Variants in GPC3 observed in about 807,000 individuals in gnomAD.
GPC3 encodes glypican-3.
Under a neutral mutation model 34.4 loss-of-function variants are expected in GPC3, and 3 were observed. That is an observed-to-expected ratio of 0.09 (90% CI 0.04 to 0.23). The LOEUF (loss-of-function observed/expected upper bound fraction) is 0.23, where lower values mean the gene tolerates loss of function less well. GPC3 is among the 10% of genes least tolerant of loss of function. GPC3 has a pLI of 1.00. For synonymous variants in GPC3, 177 were observed against 174.0 expected, an observed-to-expected ratio of 1.02 and a Z score of -0.13; for missense variants, 351 against 445.6, an observed-to-expected ratio of 0.79 and a Z score of 1.91.
chrX:133,591,409 G>T (rs1462076469), intron 7 of GPC3, among the ~76,000 whole-genome samples: 2 of 111,468 alleles, frequency 1.8e-5, no homozygotes, highest in Non-Finnish European at 3.8e-5. Flanking sequence ...AATAGCTATT[G>T]TACCATGAGC....
chrX:133,739,770 A>G (rs780036962), intron 3 of GPC3, among the ~76,000 whole-genome samples: 2 of 111,333 alleles, frequency 1.8e-5, no homozygotes, highest in Non-Finnish European at 3.8e-5. Flanking sequence ...CACTTATGGC[A>G]TGGGGCAAGG....
intron 3 of GPC3, among the ~76,000 whole-genome samples, chrX:133,701,820 G>A (rs1444057211): frequency 9.0e-6 from 1 of 111,306 alleles, no homozygotes; most frequent in African/African-American, 3.3e-5. Context: ...ATACAGCTTT[G>A]GAAGGCTTTT....
At chrX:133,656,861 A>G (rs1420342885) in intron 6 of GPC3, among the ~76,000 whole-genome samples, 1 of 111,526 alleles carries the variant, frequency 9.0e-6, no homozygotes, top group Non-Finnish European at 1.9e-5. Context: ...ACCTGGGAAC[A>G]GGGTGTTTTA....
At chrX:133,739,655 G>A (rs1431653604) in intron 3 of GPC3, among the ~76,000 whole-genome samples, 1 of 109,720 alleles carries the variant, frequency 9.1e-6, no homozygotes, top group Admixed American at 9.6e-5. Context: ...AGACCAGCCT[G>A]GGCAACATAG....
Position 133,896,135 on chromosome X carries a change from G to A in GPC3, c.337+56915C>T, listed in dbSNP as rs776653629. 2.7e-5 allele frequency among the ~76,000 whole-genome samples: 3 copies of A among 111,642 alleles called. No individual in the cohort carries two copies. The East Asian group carries it at 8.5e-4, about 31-fold the overall frequency. On this transcript the variant is annotated intron_variant, in intron 2 of 7. Transcript: ENST00000370818. ...CCAGCATTTTGGGAGGCCAAGGCAG[G>A]TACATCACCTGAGATCAGGAGTTCG...
At chrX:133,580,890 G>T (rs1180837424) in intron 7 of GPC3, among the ~76,000 whole-genome samples, 1 of 112,181 alleles carries the variant, frequency 8.9e-6, no homozygotes, top group Non-Finnish European at 1.9e-5. Flanking sequence ...ACAGGAGAGT[G>T]GGAGTGTGTT....
chrX:133,978,124 G>T (rs1241115215), intron 1 of GPC3, among the ~76,000 whole-genome samples: 2 of 111,397 alleles, frequency 1.8e-5, no homozygotes, highest in Non-Finnish European at 3.8e-5. Context: ...GTAGAGATGG[G>T]GTTTCCCCAT....
intron 2 of GPC3, among the ~76,000 whole-genome samples, chrX:133,863,925 G>T (rs2124569752): frequency 9.1e-6 from 1 of 110,163 alleles, no homozygotes. Context: ...AAAGTGCTGG[G>T]ATTACAGGCG....
intron 5 of GPC3, among the ~76,000 whole-genome samples, chrX:133,680,359 G>A (rs2070928771): frequency 8.9e-6 from 1 of 111,756 alleles, no homozygotes; most frequent in Admixed American, 9.5e-5. Context: ...GCCCGAAGCT[G>A]TGATTAGAAG....
Position 133,535,851 on chromosome X carries a change from C to T in GPC3, c.*273G>A, listed in dbSNP as rs1235307509. On this transcript the variant is annotated 3_prime_UTR_variant, in exon 8 of 8. Transcript: ENST00000370818. The stretch of plus-strand genomic sequence containing the variant: ...GACATGGTAACCATGTTCTAGCAGC[C>T]AAACATAGGAGAATAATTTGGCACA... The T allele has an allele frequency of 3.0e-6, 1 of 336,916 alleles. No homozygotes were observed. Among genetic ancestry groups the T allele is most frequent in the Non-Finnish European group, 5.1e-6 (1 of 194,986 alleles). 27.8% of individuals were successfully genotyped at this position (336,916 alleles called of 1,213,427 possible). A position where few individuals can be genotyped will look rare whatever the true frequency, so the allele number is the denominator to read the frequency against.
At chrX:133,604,264 C>G (rs1173837945) in intron 6 of GPC3, among the ~76,000 whole-genome samples, 1 of 112,042 alleles carries the variant, frequency 8.9e-6, no homozygotes, top group African/African-American at 3.2e-5. Flanking sequence ...GTAAAGACAT[C>G]AACGAATGGG....
intron 6 of GPC3, among the ~76,000 whole-genome samples, chrX:133,660,514 CTA>C (rs1010967314): frequency 2.0e-4 from 22 of 111,846 alleles, no homozygotes; most frequent in Non-Finnish European, 3.4e-4. Context: ...AGAGGAAAAA[CTA>C]TGTGTACAGG....
intron 2 of GPC3, among the ~76,000 whole-genome samples, chrX:133,889,831 CTT>C (rs781203121): frequency 7.3e-4 from 55 of 75,796 alleles, no homozygotes; most frequent in Middle Eastern, 6.8e-3. Flanking sequence ...TTCTAGCCTT[CTT>C]TTTTTTTTTT....
rs971236534 is a variant in GPC3 at position 133,973,012 on chromosome X, TG to T, written c.175+12262del. ...GATAATGAAGTCATGGGAATGGATG[TG>T]GGAATAAGCAAAGAGAGAACGGAAA... On this transcript the variant is annotated intron_variant, in intron 1 of 7. Transcript: ENST00000370818. 1.3e-4 allele frequency among the ~76,000 whole-genome samples: 14 copies of T among 110,434 alleles called. No homozygotes were observed. In the South Asian group the frequency reaches 1.6e-3, roughly 12 times the overall value.
At chrX:133,683,414 C>T (rs896802721) in intron 5 of GPC3, among the ~76,000 whole-genome samples, 3 of 112,096 alleles carry the variant, frequency 2.7e-5, no homozygotes, top group Admixed American at 9.4e-5. Flanking sequence ...CAGGCCTTAT[C>T]CAACCATCAG....
chrX:133,912,824 G>A (rs1471158166), intron 2 of GPC3, among the ~76,000 whole-genome samples: 1 of 111,661 alleles, frequency 9.0e-6, no homozygotes, highest in Non-Finnish European at 1.9e-5. Context: ...GATTACAGAT[G>A]ATGTATATAA....
intron 2 of GPC3, among the ~76,000 whole-genome samples, chrX:133,865,827 T>G (rs1363081650): frequency 4.5e-5 from 5 of 111,792 alleles, no homozygotes; most frequent in African/African-American, 1.6e-4. Context: ...CCAAGCCACT[T>G]CATGTCGACC....
At chrX:133,703,771 T>G (rs1383964663) in intron 3 of GPC3, among the ~76,000 whole-genome samples, 2 of 111,880 alleles carry the variant, frequency 1.8e-5, no homozygotes, top group African/African-American at 6.5e-5. Context: ...GGAAGACATT[T>G]TAGTAACCTT....
At chrX:133,691,194 A>G (rs1462103698) in intron 5 of GPC3, among the ~76,000 whole-genome samples, 1 of 111,696 alleles carries the variant, frequency 9.0e-6, no homozygotes, top group Non-Finnish European at 1.9e-5. Flanking sequence ...TAATGATAGC[A>G]TAGATTATAT....
Sources: allele counts gnomAD v4.1 joint callset (sites outside exome capture counted in the v4.1 genomes callset), GRCh38; gene constraint gnomAD v4.1.1; transcripts MANE v1.5; gene names NCBI Gene and HGNC (gene_info 2026-07-23, HGNC 2026-07-21).